Variants in KCNT2 observed in about 807,000 individuals in gnomAD.
The protein encoded by KCNT2 is potassium channel subfamily T member 2.
In KCNT2, 67 loss-of-function variants were observed where a neutral mutation model predicts 153.8. The ratio of observed to expected loss-of-function variants is 0.44; its 90% CI spans 0.36 to 0.53. The LOEUF (loss-of-function observed/expected upper bound fraction) is 0.53. Ranked by LOEUF, KCNT2 falls within the 20% of genes least tolerant of loss-of-function variation. The pLI is 0.00. For missense variants in KCNT2, 975 were observed against 1,354.8 expected (o/e 0.72, Z 4.40); for synonymous variants, 500 against 458.8 (o/e 1.09, Z -1.15).
intron 8 of KCNT2, among the ~76,000 whole-genome samples, chr1:196,447,759 C>T (rs536367869): frequency 4.0e-5 from 6 of 150,636 alleles, no homozygotes; most frequent in Admixed American, 1.3e-4. Context: ...AGAAGATAGA[C>T]GAAAAAAGTT....
At chr1:196,435,781 C>T (rs1204238167) in intron 8 of KCNT2, among the ~76,000 whole-genome samples, 3 of 151,590 alleles carry the variant, frequency 2.0e-5, no homozygotes, top group Admixed American at 6.6e-5. Flanking sequence ...GACAGAATTG[C>T]CTGTAATAGG....
intron 26 of KCNT2, among the ~76,000 whole-genome samples, chr1:196,252,756 G>A (rs1386315110): frequency 1.3e-5 from 2 of 151,240 alleles, no homozygotes; most frequent in Non-Finnish European, 3.0e-5. Flanking sequence ...TTTTTTTGTA[G>A]TATAAACAAA....
chr1:196,436,712 A>C (rs1490306785), intron 8 of KCNT2, among the ~76,000 whole-genome samples: 1 of 151,250 alleles, frequency 6.6e-6, no homozygotes, highest in East Asian at 1.9e-4. Flanking sequence ...TGTACCCAGA[A>C]ATAATTTTAA....
chr1:196,240,205 A>ATCCAGACT (rs1441367372), intron 26 of KCNT2, among the ~76,000 whole-genome samples: 1 of 152,012 alleles, frequency 6.6e-6, no homozygotes, highest in Admixed American at 6.6e-5. Context: ...AAGGCTCTGA[A>ATCCAGACT]TCCAGACTGC....
intron 27 of KCNT2, among the ~76,000 whole-genome samples, chr1:196,233,106 G>C (rs2102224861): frequency 6.6e-6 from 1 of 151,440 alleles, no homozygotes; most frequent in South Asian, 2.1e-4. Flanking sequence ...TATACTATGT[G>C]AAGGGTCCAG....
intron 1 of KCNT2, among the ~76,000 whole-genome samples, chr1:196,514,403 C>A (rs1681886275): frequency 6.6e-6 from 1 of 152,156 alleles, no homozygotes; most frequent in South Asian, 2.1e-4. Flanking sequence ...CCCCACCCAG[C>A]AATCTTCTTC....
intron 14 of KCNT2, among the ~76,000 whole-genome samples, chr1:196,358,080 C>A (rs1266400903): frequency 2.6e-5 from 4 of 151,476 alleles, no homozygotes; most frequent in Non-Finnish European, 5.9e-5. Context: ...TTCTAACTAT[C>A]ATTTTCTCTA....
At chr1:196,295,572 A>C (rs1031580072) in intron 22 of KCNT2, among the ~76,000 whole-genome samples, 4 of 152,010 alleles carry the variant, frequency 2.6e-5, no homozygotes, top group African/African-American at 9.6e-5. Flanking sequence ...CATTGGGTGA[A>C]ATTTTTGAAC....
intron 14 of KCNT2, among the ~76,000 whole-genome samples, chr1:196,360,511 T>G (rs997716919): frequency 3.9e-5 from 6 of 152,116 alleles, no homozygotes; most frequent in Non-Finnish European, 7.4e-5. Flanking sequence ...AATTCATATG[T>G]TGAAGCCCTA....
chr1:196,248,869 C>A (rs1250340584), intron 26 of KCNT2, among the ~76,000 whole-genome samples: 1 of 152,152 alleles, frequency 6.6e-6, no homozygotes, highest in African/African-American at 2.4e-5. Flanking sequence ...AACAAAACTA[C>A]AGGCCAATAT....
chr1:196,484,425 C>T (rs763476851), intron 3 of KCNT2, among the ~76,000 whole-genome samples: 1 of 151,660 alleles, frequency 6.6e-6, no homozygotes, highest in Admixed American at 6.6e-5. Context: ...GATATTAGAC[C>T]TTTGTCAGAT....
intron 1 of KCNT2, among the ~76,000 whole-genome samples, chr1:196,600,374 G>A (rs1165396601): frequency 1.3e-5 from 2 of 152,210 alleles, no homozygotes; most frequent in Non-Finnish European, 2.9e-5. Flanking sequence ...GAGAGATGGA[G>A]GTGGTTGGCT....
At position 196,385,772 on chromosome 1, in the gene KCNT2, A is replaced by AATAT. The variant is rs1553308934; in HGVS notation, c.1295-12528_1295-12525dup. ...TATGGCACCATTTCTGCATTAAAAA[A>AATAT]ATATATATATATATATATATTTTGG... On this transcript the variant is annotated intron_variant, in intron 13 of 27. Transcript: ENST00000294725. Among the ~76,000 whole-genome samples, 463 of 148,516 alleles carry AATAT rather than the reference A, an allele frequency of 3.1e-3. 4 individuals are homozygous for AATAT. Among genetic ancestry groups the AATAT allele is most frequent in the African/African-American group, 8.6e-3 (349 of 40,442 alleles).
intron 22 of KCNT2, among the ~76,000 whole-genome samples, chr1:196,304,142 G>C (rs915673424): frequency 9.9e-5 from 15 of 152,164 alleles, no homozygotes; most frequent in African/African-American, 3.6e-4. Context: ...GCAGGGTAAG[G>C]CTCTATAAAC....
chr1:196,516,983 C>T (rs1047123739), intron 1 of KCNT2, among the ~76,000 whole-genome samples: 34 of 152,284 alleles, frequency 2.2e-4, no homozygotes, highest in Admixed American at 9.8e-4. Context: ...CCAACCACCC[C>T]CCAGCTGGGA....
At chr1:196,509,592 G>C (rs941949281) in intron 1 of KCNT2, among the ~76,000 whole-genome samples, 13 of 152,140 alleles carry the variant, frequency 8.5e-5, no homozygotes, top group African/African-American at 2.7e-4. Flanking sequence ...GCAAAAGTAT[G>C]AAAAGCCAAA....
chr1:196,368,816 C>A (rs891473618), intron 14 of KCNT2, among the ~76,000 whole-genome samples: 9 of 152,134 alleles, frequency 5.9e-5, no homozygotes, highest in African/African-American at 2.2e-4. Flanking sequence ...CTGGCACGAT[C>A]CACCACCTCA....
chr1:196,480,324 T>G (rs1186431180), intron 4 of KCNT2, among the ~76,000 whole-genome samples: 1 of 152,006 alleles, frequency 6.6e-6, no homozygotes, highest in Non-Finnish European at 1.5e-5. Flanking sequence ...ATCTTTGAAT[T>G]TAAAAGAATA....
At chr1:196,375,173 T>A (rs1668852278) in intron 13 of KCNT2, among the ~76,000 whole-genome samples, 1 of 151,842 alleles carries the variant, frequency 6.6e-6, no homozygotes, top group African/African-American at 2.4e-5. Flanking sequence ...AAGATTTTGC[T>A]GCAGTGGCTA....
Sources: allele counts gnomAD v4.1 joint callset (sites outside exome capture counted in the v4.1 genomes callset), GRCh38; gene constraint gnomAD v4.1.1; transcripts MANE v1.5; gene names NCBI Gene and HGNC (gene_info 2026-07-23, HGNC 2026-07-21).